AFG1L: variants seen among roughly 807,000 people sequenced by gnomAD.
AFG1L encodes the protein AFG1-like ATPase.
AFG1L carries 53 observed loss-of-function variants against 62.2 expected under a neutral mutation model. The ratio of observed to expected loss-of-function variants is 0.85; its 90% CI spans 0.68 to 1.07. AFG1L has a LOEUF of 1.07. Among genes scored for constraint, AFG1L ranks in the 50% least tolerant of loss-of-function variants. AFG1L has a pLI of 0.00. For synonymous variants in AFG1L, 228 were observed against 210.3 expected, an observed-to-expected ratio of 1.08 and a Z score of -0.73; for missense variants, 555 against 590.5, an observed-to-expected ratio of 0.94 and a Z score of 0.62.
rs1772606377 is a variant in AFG1L at position 108,464,912 on chromosome 6, CTACTT to C, written c.891-11950_891-11946del. Reference sequence around the variant, plus strand: ...TTGTTTGCATTGTCTGCACAAAGGCCTACTTTATAGTAGCATCCCACTGATGGGGC... The same window carrying C: ...TTGTTTGCATTGTCTGCACAAAGGCCTATAGTAGCATCCCACTGATGGGGC... On this transcript the variant is annotated intron_variant, in intron 8 of 12. Transcript: ENST00000368977. Among the ~76,000 whole-genome samples the C allele has an allele frequency of 2.6e-5, 4 of 152,302 alleles. No individual in the cohort carries two copies. In the South Asian group the frequency reaches 8.3e-4, roughly 32 times the overall value.
chr6:108,336,578 T>C, intron 2 of AFG1L, among the ~76,000 whole-genome samples: 1 of 152,234 alleles, frequency 6.6e-6, no homozygotes, highest in Non-Finnish European at 1.5e-5. Flanking sequence ...TACATTCTTT[T>C]AGTTTGCAGT....
At chr6:108,421,975 A>G (rs1406824892) in intron 7 of AFG1L, among the ~76,000 whole-genome samples, 1 of 152,140 alleles carries the variant, frequency 6.6e-6, no homozygotes, top group East Asian at 1.9e-4. Context: ...TTGCCTTTAA[A>G]TCAGTAACAT....
intron 11 of AFG1L, 23 bp downstream of exon 11, chr6:108,510,375 T>G: frequency 6.3e-7 from 1 of 1,579,462 alleles, no homozygotes; most frequent in Non-Finnish European, 8.6e-7. Flanking sequence ...TACATTTTCT[T>G]AAAACTAAAC....
At chr6:108,345,897 C>T (rs575131110) in intron 2 of AFG1L, among the ~76,000 whole-genome samples, 2 of 152,160 alleles carry the variant, frequency 1.3e-5, no homozygotes, top group Non-Finnish European at 2.9e-5. Context: ...TAAGTGCCTT[C>T]TGGCCTTTTT....
chr6:108,323,512 C>G (rs995199814), intron 1 of AFG1L, among the ~76,000 whole-genome samples: 2 of 152,058 alleles, frequency 1.3e-5, no homozygotes, highest in African/African-American at 2.4e-5. Flanking sequence ...CAAGCATGCA[C>G]CACCATGCCC....
chr6:108,355,845 A>C, intron 4 of AFG1L, 90 bp downstream of exon 4: 1 of 900,872 alleles, frequency 1.1e-6, no homozygotes, highest in Non-Finnish European at 1.7e-6. Flanking sequence ...CTCTTTAAAA[A>C]TTAGATTTTT....
At chr6:108,410,574 T>G (rs1264588919) in intron 7 of AFG1L, among the ~76,000 whole-genome samples, 8 of 152,154 alleles carry the variant, frequency 5.3e-5, no homozygotes. Flanking sequence ...TAATTTAGGA[T>G]TTATAGTCCT....
At chr6:108,475,105 A>T (rs1773056531) in intron 8 of AFG1L, among the ~76,000 whole-genome samples, 1 of 152,202 alleles carries the variant, frequency 6.6e-6, no homozygotes, top group East Asian at 1.9e-4. Flanking sequence ...TTTTCTGCAT[A>T]TGGCTAGCCA....
chr6:108,420,595 T>C (rs1419623005), intron 7 of AFG1L, among the ~76,000 whole-genome samples: 1 of 151,730 alleles, frequency 6.6e-6, no homozygotes, highest in Admixed American at 6.6e-5. Flanking sequence ...TGATGTGGAT[T>C]TAAAATACAG....
chr6:108,327,910 A>C (rs1416315099), intron 2 of AFG1L, among the ~76,000 whole-genome samples: 1 of 152,116 alleles, frequency 6.6e-6, no homozygotes, highest in Non-Finnish European at 1.5e-5. Flanking sequence ...CAGCGTAAAG[A>C]TTGGCTTACC....
chr6:108,444,555 C>G (rs915480807), intron 7 of AFG1L, among the ~76,000 whole-genome samples: 5 of 152,194 alleles, frequency 3.3e-5, no homozygotes, highest in African/African-American at 4.8e-5. Context: ...GAAATTACTT[C>G]TTGATTCATG....
At position 108,524,920 on chromosome 6, in the gene AFG1L, T is replaced by A. The variant is rs1775268207; in HGVS notation, c.*2495T>A. The A allele has an allele frequency of 6.6e-6, 1 of 152,228 alleles. No homozygotes were observed. 9.4% of individuals were successfully genotyped at this position (152,228 alleles called of 1,614,324 possible). On this transcript the variant is annotated 3_prime_UTR_variant, in exon 13 of 13. Transcript: ENST00000368977. The stretch of plus-strand genomic sequence containing the variant: ...TAATGCCAACATGAAAAACAACCCC[T>A]AGATTGGAGAGCAACATTTCACTTT...
At chr6:108,400,769 T>C (rs1034363419) in intron 6 of AFG1L, among the ~76,000 whole-genome samples, 2 of 127,608 alleles carry the variant, frequency 1.6e-5, no homozygotes, top group Non-Finnish European at 3.1e-5. Flanking sequence ...GTTATATATT[T>C]ATAATATATG....
chr6:108,334,978 A>G (rs1778422131), intron 2 of AFG1L, among the ~76,000 whole-genome samples: 1 of 151,592 alleles, frequency 6.6e-6, no homozygotes, highest in Admixed American at 6.6e-5. Flanking sequence ...CTCCTCTGGT[A>G]GATATTGTAT....
intron 5 of AFG1L, among the ~76,000 whole-genome samples, chr6:108,361,308 G>A (rs750568886): frequency 6.6e-6 from 1 of 152,178 alleles, no homozygotes; most frequent in Admixed American, 6.5e-5. Flanking sequence ...TCAGATGGAA[G>A]GTGCAAATCA....
At chr6:108,488,095 AAACT>A (rs1773639632) in intron 10 of AFG1L, among the ~76,000 whole-genome samples, 1 of 152,210 alleles carries the variant, frequency 6.6e-6, no homozygotes, top group Non-Finnish European at 1.5e-5. Context: ...TTGGTTAAAT[AAACT>A]AACATGCTAG....
chr6:108,416,036 A>G (rs1770251100), intron 7 of AFG1L, among the ~76,000 whole-genome samples: 1 of 152,234 alleles, frequency 6.6e-6, no homozygotes, highest in Admixed American at 6.5e-5. Flanking sequence ...ACAAAGGGCT[A>G]ATATCCAGAA....
At chr6:108,449,124 G>C (rs929653023) in intron 8 of AFG1L, among the ~76,000 whole-genome samples, 6 of 150,764 alleles carry the variant, frequency 4.0e-5, no homozygotes, top group Admixed American at 4.0e-4. Flanking sequence ...CTTCAGCCTG[G>C]GCGACAGAGC....
At chr6:108,402,329 G>A (rs1264371007) in intron 7 of AFG1L, among the ~76,000 whole-genome samples, 2 of 129,668 alleles carry the variant, frequency 1.5e-5, no homozygotes, top group Admixed American at 1.5e-4. Flanking sequence ...TGGGTGTGGT[G>A]GCATGCACCT....
Sources: gnomAD v4.1 joint callset for allele counts (sites outside exome capture counted in the v4.1 genomes callset) on GRCh38, gnomAD v4.1.1 for gene constraint, MANE v1.5 for transcripts, NCBI Gene and HGNC (gene_info 2026-07-23, HGNC 2026-07-21) for gene names.